NCKAP5: variants seen among roughly 807,000 people sequenced by gnomAD.
NCKAP5 encodes the protein NCK associated protein 5, also known as nck-associated protein 5.
A neutral mutation model predicts 167.0 loss-of-function variants in NCKAP5; 92 were observed. That is an observed-to-expected ratio of 0.55 (90% CI 0.47 to 0.66). The LOEUF is 0.66. Ranked by LOEUF, NCKAP5 falls within the 30% of genes least tolerant of loss-of-function variation. The probability of loss-of-function intolerance (pLI) is 0.00; values close to 1 mark genes in which losing one functional copy is unlikely to be tolerated. For missense variants in NCKAP5, 2,378 were observed against 2,315.0 expected (o/e 1.03, Z -0.56); for synonymous variants, 891 against 877.4 (o/e 1.02, Z -0.27).
chr2:132,932,921 CTTTTTTT>C (rs368871730), intron 8 of NCKAP5, among the ~76,000 whole-genome samples: 1 of 120,010 alleles, frequency 8.3e-6, no homozygotes, highest in African/African-American at 3.5e-5. Flanking sequence ...TTATCCTCTA[CTTTTTTT>C]TTTTTTTTTT....
At chr2:133,185,713 T>TA (rs2084918625) in intron 5 of NCKAP5, among the ~76,000 whole-genome samples, 1 of 152,102 alleles carries the variant, frequency 6.6e-6, no homozygotes, top group South Asian at 2.1e-4. Flanking sequence ...CTTCATTTTT[T>TA]ATGGCTATTT....
chr2:132,838,097 C>T (rs546930366), intron 11 of NCKAP5, among the ~76,000 whole-genome samples: 280 of 152,278 alleles, frequency 1.8e-3, no homozygotes, highest in Middle Eastern at 3.4e-3. Flanking sequence ...ACAAGTCAAA[C>T]CCTTTGTTTC....
At chr2:132,739,884 A>G (rs1009252945) in intron 16 of NCKAP5, among the ~76,000 whole-genome samples, 1 of 152,184 alleles carries the variant, frequency 6.6e-6, no homozygotes, top group African/African-American at 2.4e-5. Flanking sequence ...CAGCACCTTA[A>G]AAAGCTTTTT....
intron 3 of NCKAP5, among the ~76,000 whole-genome samples, chr2:133,478,117 C>A (rs918931070): frequency 2.6e-5 from 4 of 152,260 alleles, no homozygotes; most frequent in African/African-American, 7.2e-5. Flanking sequence ...ACTAAGGACT[C>A]CCTCATGAAG....
At chr2:132,717,993 A>C (rs530713673) in intron 19 of NCKAP5, among the ~76,000 whole-genome samples, 5 of 152,324 alleles carry the variant, frequency 3.3e-5, no homozygotes, top group African/African-American at 1.2e-4. Context: ...AAAAACCAAA[A>C]AGAACTAGGA....
the NCKAP5 span, among the ~76,000 whole-genome samples, chr2:133,618,487 G>T: frequency 2.0e-5 from 3 of 149,118 alleles, no homozygotes; most frequent in African/African-American, 7.4e-5. Flanking sequence ...ATCAAAAAGT[G>T]GGCGAAGGAC....
intron 3 of NCKAP5, among the ~76,000 whole-genome samples, chr2:133,311,501 A>G (rs1645473759): frequency 6.6e-6 from 1 of 152,202 alleles, no homozygotes; most frequent in African/African-American, 2.4e-5. Flanking sequence ...GACTGATTAC[A>G]TCATTGGCCA....
chr2:133,041,590 T>C (rs2149456146), intron 6 of NCKAP5, among the ~76,000 whole-genome samples: 1 of 152,324 alleles, frequency 6.6e-6, no homozygotes, highest in African/African-American at 2.4e-5. Context: ...GGTATATGAA[T>C]TGGAATTTTC....
rs149226248 is a variant in NCKAP5 at position 133,375,396 on chromosome 2, G to A, written c.70-72286C>T. On this transcript the variant is annotated intron_variant, in intron 3 of 19. Transcript: ENST00000409261. Reference sequence around the variant, plus strand: ...ACTATATTTAAATGTCTGAAAAACCGGATAATAACCCAAACTGGATAACAA... The same window carrying A: ...ACTATATTTAAATGTCTGAAAAACCAGATAATAACCCAAACTGGATAACAA... Among the ~76,000 whole-genome samples, 754 of 152,164 alleles carry A rather than the reference G, an allele frequency of 5.0e-3. 6 individuals carry two copies. Among genetic ancestry groups the A allele is most frequent in the Middle Eastern group, 0.017 (5 of 294 alleles).
chr2:133,205,730 T>C (rs867396707), intron 5 of NCKAP5, among the ~76,000 whole-genome samples: 1 of 152,166 alleles, frequency 6.6e-6, no homozygotes, highest in African/African-American at 2.4e-5. Flanking sequence ...CTTTATGGTA[T>C]TCCATCTTCC....
At chr2:133,534,208 A>G (rs892181892) in intron 2 of NCKAP5, among the ~76,000 whole-genome samples, 3 of 152,232 alleles carry the variant, frequency 2.0e-5, no homozygotes, top group African/African-American at 7.2e-5. Flanking sequence ...TTAACCTCAC[A>G]TATAGAGAAA....
chr2:132,801,059 C>A (rs1250186634), intron 11 of NCKAP5, among the ~76,000 whole-genome samples: 3 of 152,150 alleles, frequency 2.0e-5, no homozygotes. Flanking sequence ...GACATCTGCC[C>A]TTTCTTGCCT....
chr2:133,631,615 T>C, the NCKAP5 span, among the ~76,000 whole-genome samples: 1 of 152,186 alleles, frequency 6.6e-6, no homozygotes. Context: ...TCACGTGACA[T>C]TGGAGGAGAT....
At chr2:133,529,250 C>A (rs771755158) in intron 2 of NCKAP5, among the ~76,000 whole-genome samples, 10 of 151,990 alleles carry the variant, frequency 6.6e-5, no homozygotes, top group Non-Finnish European at 1.3e-4. Flanking sequence ...TACTTTTACT[C>A]TCCCTCTTTC....
intron 2 of NCKAP5, among the ~76,000 whole-genome samples, chr2:133,534,502 T>C (rs1685603740): frequency 6.6e-6 from 1 of 152,044 alleles, no homozygotes; most frequent in African/African-American, 2.4e-5. Context: ...CCCCTACCCC[T>C]TACCCAGCCC....
At chr2:133,182,963 A>T (rs2084797354) in intron 5 of NCKAP5, among the ~76,000 whole-genome samples, 1 of 152,176 alleles carries the variant, frequency 6.6e-6, no homozygotes, top group African/African-American at 2.4e-5. Flanking sequence ...AAGGATAGTA[A>T]GAAAATACTA....
Position 133,382,477 on chromosome 2 carries a change from G to A in NCKAP5, c.70-79367C>T, listed in dbSNP as rs564628646. The stretch of plus-strand genomic sequence containing the variant: ...ACTCAAGTCCCTACAGGATCTGACC[G>A]CTGTCTACGTCTCCTGCCTCACCCC... On this transcript the variant is annotated intron_variant, in intron 3 of 19. Coordinates refer to ENST00000409261, the MANE Select transcript of NCKAP5 (RefSeq NM_207363.3). 1.1e-4 allele frequency among the ~76,000 whole-genome samples: 17 copies of A among 152,200 alleles called. No individual in the cohort carries two copies. In the South Asian group the frequency reaches 3.1e-3, roughly 28 times the overall value.
chr2:133,213,077 G>A (rs1236817459), intron 5 of NCKAP5, among the ~76,000 whole-genome samples: 1 of 152,106 alleles, frequency 6.6e-6, no homozygotes, highest in Non-Finnish European at 1.5e-5. Context: ...GTTACTCCAC[G>A]CATGCATTCC....
At chr2:133,015,341 A>T (rs539017706) in intron 6 of NCKAP5, among the ~76,000 whole-genome samples, 10 of 126,674 alleles carry the variant, frequency 7.9e-5, no homozygotes, top group Non-Finnish European at 1.7e-4. Context: ...ATTTTTGACC[A>T]GATAAAAGAA....
Sources: allele counts gnomAD v4.1 joint callset (sites outside exome capture counted in the v4.1 genomes callset), GRCh38; gene constraint gnomAD v4.1.1; transcripts MANE v1.5; gene names NCBI Gene and HGNC (gene_info 2026-07-23, HGNC 2026-07-21).